The following PCDH11X variants were observed in gnomAD, a reference collection of about 807,000 sequenced individuals.
PCDH11X encodes the protein protocadherin-11 X-linked.
Under a neutral mutation model 53.3 loss-of-function variants are expected in PCDH11X, and 18 were observed. The ratio of observed to expected loss-of-function variants is 0.34; its 90% CI spans 0.23 to 0.50. The LOEUF (loss-of-function observed/expected upper bound fraction) is 0.50. PCDH11X is among the 20% of genes least tolerant of loss of function. The pLI, the probability that PCDH11X is intolerant of heterozygous loss-of-function variation, is 0.98. For missense variants in PCDH11X, 570 were observed against 1,032.4 expected, an observed-to-expected ratio of 0.55 and a Z score of 6.14; for synonymous variants, 279 against 393.3, an observed-to-expected ratio of 0.71 and a Z score of 3.44.
At chrX:92,309,093 GTAAT>G (rs2068891057) in intron 8 of PCDH11X, among the ~76,000 whole-genome samples, 1 of 111,965 alleles carries the variant, frequency 8.9e-6, no homozygotes, top group Admixed American at 9.5e-5. Context: ...GGTTCTTCAA[GTAAT>G]TAAACAGAAC....
At chrX:92,353,574 T>C (rs1029243467) in intron 8 of PCDH11X, among the ~76,000 whole-genome samples, 1 of 110,952 alleles carries the variant, frequency 9.0e-6, no homozygotes, top group African/African-American at 3.3e-5. Flanking sequence ...CATTCAGGAA[T>C]GACTCAGAGT....
chrX:92,247,775 TAG>T (rs1183378127), intron 7 of PCDH11X, among the ~76,000 whole-genome samples: 1 of 112,031 alleles, frequency 8.9e-6, no homozygotes, highest in African/African-American at 3.2e-5. Flanking sequence ...TTTTTATCTC[TAG>T]AGTCTTAGCT....
chrX:92,451,053 A>G lies in PCDH11X; in HGVS notation c.3344-17246A>G, dbSNP rs780666629. On this transcript the variant is annotated intron_variant, in intron 9 of 10. Transcript: ENST00000682573. ...ATTTATTAATATTGATGCATTTGCTATATCAGAGTAGGACATCCAATTGTG... is the reference window on the plus strand; with the variant it reads ...ATTTATTAATATTGATGCATTTGCTGTATCAGAGTAGGACATCCAATTGTG... 3.7e-3 allele frequency among the ~76,000 whole-genome samples: 404 copies of G among 109,747 alleles called. 3 individuals are homozygous for G. Among genetic ancestry groups the G allele is most frequent in the African/African-American group, 0.013 (385 of 30,276 alleles).
intron 8 of PCDH11X, among the ~76,000 whole-genome samples, chrX:92,274,411 G>A (rs2068032637): frequency 9.0e-6 from 1 of 111,140 alleles, no homozygotes; most frequent in South Asian, 3.8e-4. Flanking sequence ...TTATCAGACT[G>A]TATTGAGGTG....
intron 9 of PCDH11X, among the ~76,000 whole-genome samples, chrX:92,401,333 A>G (rs1267813452): frequency 9.0e-6 from 1 of 110,803 alleles, no homozygotes; most frequent in Non-Finnish European, 1.9e-5. Flanking sequence ...CTCAACAGGA[A>G]GGAATAATAG....
At chrX:91,833,834 G>A (rs1258413613) in intron 4 of PCDH11X, among the ~76,000 whole-genome samples, 1 of 111,595 alleles carries the variant, frequency 9.0e-6, no homozygotes, top group Admixed American at 9.6e-5. Context: ...ACATTGCTTG[G>A]CATAACCAGA....
intron 8 of PCDH11X, among the ~76,000 whole-genome samples, chrX:92,363,365 C>T (rs1210983366): frequency 9.0e-6 from 1 of 110,958 alleles, no homozygotes; most frequent in Non-Finnish European, 1.9e-5. Flanking sequence ...TACCTTTCCC[C>T]TCTTTGGTTA....
chrX:92,439,759 TC>T (rs1184231412), intron 9 of PCDH11X, among the ~76,000 whole-genome samples: 3 of 105,904 alleles, frequency 2.8e-5, no homozygotes, highest in Non-Finnish European at 5.8e-5. Context: ...CTTCCTACTA[TC>T]CCTTCTTCTG....
chrX:91,923,716 A>G (rs1941833121), intron 6 of PCDH11X, among the ~76,000 whole-genome samples: 1 of 109,304 alleles, frequency 9.1e-6, no homozygotes, highest in Non-Finnish European at 1.9e-5. Flanking sequence ...ATATACATAT[A>G]CCCTATTAGT....
At chrX:92,303,694 T>A (rs1020968384) in intron 8 of PCDH11X, among the ~76,000 whole-genome samples, 1 of 112,030 alleles carries the variant, frequency 8.9e-6, no homozygotes, top group African/African-American at 3.2e-5. Flanking sequence ...GCGATATCTG[T>A]CAAACATATG....
intron 6 of PCDH11X, among the ~76,000 whole-genome samples, chrX:92,007,931 G>A (rs1045345200): frequency 8.1e-5 from 9 of 110,745 alleles, no homozygotes; most frequent in African/African-American, 3.0e-4. Context: ...GGTGTGTCTA[G>A]AAATGTCATC....
chrX:92,514,498 G>A (rs1021346468), intron 10 of PCDH11X, among the ~76,000 whole-genome samples: 8 of 110,011 alleles, frequency 7.3e-5, no homozygotes, highest in Non-Finnish European at 9.5e-5. Context: ...GGGAGGCCGA[G>A]GTGGGTGGAT....
intron 6 of PCDH11X, among the ~76,000 whole-genome samples, chrX:91,965,691 G>T (rs1369022380): frequency 9.0e-6 from 1 of 111,612 alleles, no homozygotes; most frequent in Non-Finnish European, 1.9e-5. Context: ...CTTAATAAAA[G>T]ATCTTGTTCA....
chrX:92,613,094 C>A (rs1297231115), intron 10 of PCDH11X, among the ~76,000 whole-genome samples: 1 of 109,611 alleles, frequency 9.1e-6, no homozygotes, highest in African/African-American at 3.3e-5. Flanking sequence ...ACCTTCAGGC[C>A]ATTTAAATTC....
chrX:92,531,067 C>T (rs2074545043), intron 10 of PCDH11X, among the ~76,000 whole-genome samples: 1 of 110,866 alleles, frequency 9.0e-6, no homozygotes, highest in Non-Finnish European at 1.9e-5. Flanking sequence ...CCTTAAACCA[C>T]ATAAAAAATC....
At chrX:91,943,005 C>T (rs1192798196) in intron 6 of PCDH11X, among the ~76,000 whole-genome samples, 1 of 95,488 alleles carries the variant, frequency 1.0e-5, no homozygotes, top group Non-Finnish European at 2.1e-5. Context: ...AGAAGTCAAT[C>T]TGAAAATGCT....
Position 91,878,210 on chromosome X carries a change from C to G in PCDH11X, c.1970C>G (p.Ala657Gly), listed in dbSNP as rs1473101057. ...DGGRVSRSSS[A>G]KVTINVVDVN... ...GGTAGAGTATCACGTTCTTCAAGTG[C>G]CAAAGTAACCATAAATGTGGTTGAT... is the stretch of plus-strand genomic sequence containing the variant. Residue 657 changes from alanine (A) to glycine (G), a missense_variant, in exon 6 of 11, where the codon GCC (alanine) becomes GGC (glycine). Physicochemically the swap from Ala to Gly is moderately conservative, Grantham distance 60 (BLOSUM62 0). This residue lies in a region of PCDH11X where 226 missense variants were observed against 457.5 expected (regional missense o/e 0.49). Coordinates refer to ENST00000682573, the MANE Select transcript of PCDH11X (RefSeq NM_032968.5). 1 of 1,206,161 alleles carries G rather than the reference C, an allele frequency of 8.3e-7. No homozygotes were observed. The highest frequency in any genetic ancestry group is 1.1e-6 in the Non-Finnish European group (1 of 893,793).
At chrX:92,250,871 G>A (rs983477803) in intron 7 of PCDH11X, among the ~76,000 whole-genome samples, 1 of 109,399 alleles carries the variant, frequency 9.1e-6, no homozygotes, top group South Asian at 3.8e-4. Context: ...GATAGATCAA[G>A]GATATGGTGT....
chrX:92,237,669 C>T (rs1308828619), intron 7 of PCDH11X, among the ~76,000 whole-genome samples: 3 of 111,201 alleles, frequency 2.7e-5, no homozygotes, highest in Non-Finnish European at 5.7e-5. Flanking sequence ...TCACTAAGCA[C>T]CTCTAACAAG....
Sources: allele counts gnomAD v4.1 joint callset (sites outside exome capture counted in the v4.1 genomes callset), GRCh38; gene constraint gnomAD v4.1.1; regional missense constraint gnomAD v4.1.1; transcripts MANE v1.5; gene names NCBI Gene and HGNC (gene_info 2026-07-23, HGNC 2026-07-21).